The following DENND1A variants were observed in gnomAD, a reference collection of about 807,000 sequenced individuals.
DENND1A encodes the protein DENN domain containing 1A, also known as DENN domain-containing protein 1A.
A neutral mutation model predicts 113.7 loss-of-function variants in DENND1A; 51 were observed. The ratio of observed to expected loss-of-function variants is 0.45; its 90% CI spans 0.36 to 0.57. The LOEUF (loss-of-function observed/expected upper bound fraction) is 0.57. DENND1A is among the 20% of genes least tolerant of loss of function. The probability of loss-of-function intolerance (pLI) is 0.00; values close to 1 mark genes in which losing one functional copy is unlikely to be tolerated. For missense variants in DENND1A, 1,258 were observed against 1,395.9 expected, an observed-to-expected ratio of 0.90 and a Z score of 1.57; for synonymous variants, 565 against 570.8, an observed-to-expected ratio of 0.99 and a Z score of 0.14.
chr9:123,731,558 A>C (rs980382215), intron 5 of DENND1A, among the ~76,000 whole-genome samples: 2 of 152,248 alleles, frequency 1.3e-5, no homozygotes, highest in African/African-American at 4.8e-5. Flanking sequence ...TTATACCTTA[A>C]AAATAATTAA....
At chr9:123,585,620 G>A (rs2059126470) in intron 11 of DENND1A, among the ~76,000 whole-genome samples, 2 of 152,198 alleles carry the variant, frequency 1.3e-5, no homozygotes, top group South Asian at 4.1e-4. Flanking sequence ...GTGCTAGCAG[G>A]AAGGTACAAA....
At chr9:123,738,489 GTT>G (rs1554726370) in intron 5 of DENND1A, among the ~76,000 whole-genome samples, 1 of 146,956 alleles carries the variant, frequency 6.8e-6, no homozygotes, top group East Asian at 2.0e-4. Flanking sequence ...GTGTAGTGAT[GTT>G]TTTGTTTGTT....
intron 5 of DENND1A, among the ~76,000 whole-genome samples, chr9:123,681,934 T>C (rs1011878835): frequency 1.4e-5 from 2 of 140,006 alleles, no homozygotes; most frequent in Admixed American, 7.2e-5. Context: ...AAAAAAAAAA[T>C]AGCAGTGCTC....
intron 4 of DENND1A, among the ~76,000 whole-genome samples, chr9:123,767,953 T>C (rs1345576937): frequency 1.3e-5 from 2 of 152,216 alleles, no homozygotes; most frequent in African/African-American, 4.8e-5. Context: ...TTTGCCATAA[T>C]TTGTCATACA....
intron 5 of DENND1A, among the ~76,000 whole-genome samples, chr9:123,683,721 T>C (rs538530429): frequency 4.6e-5 from 7 of 152,216 alleles, no homozygotes; most frequent in Admixed American, 1.3e-4. Context: ...GTCTTCTCCA[T>C]TGGTGTCAAC....
chr9:123,884,417 A>G (rs905526498), intron 1 of DENND1A, among the ~76,000 whole-genome samples: 11 of 152,162 alleles, frequency 7.2e-5, no homozygotes, highest in African/African-American at 2.7e-4. Context: ...TTAAGATATT[A>G]CCATGGAAAT....
chr9:123,700,431 C>T (rs2065818164), intron 5 of DENND1A, among the ~76,000 whole-genome samples: 1 of 152,110 alleles, frequency 6.6e-6, no homozygotes, highest in African/African-American at 2.4e-5. Context: ...TGTTAAGTAA[C>T]TGGTTGAGGC....
intron 6 of DENND1A, among the ~76,000 whole-genome samples, chr9:123,675,172 A>T (rs1001892419): frequency 6.6e-6 from 1 of 152,158 alleles, no homozygotes; most frequent in Non-Finnish European, 1.5e-5. Flanking sequence ...TGACCTCTGG[A>T]ATACATTTGC....
At chr9:123,851,068 T>A (rs1456498347) in intron 2 of DENND1A, among the ~76,000 whole-genome samples, 1 of 152,150 alleles carries the variant, frequency 6.6e-6, no homozygotes, top group African/African-American at 2.4e-5. Context: ...AACACAAGCA[T>A]GGAAGTGTAT....
At chr9:123,409,291 T>G (rs543492426) in intron 20 of DENND1A, among the ~76,000 whole-genome samples, 49 of 152,042 alleles carry the variant, frequency 3.2e-4, no homozygotes, top group African/African-American at 1.2e-3. Context: ...TTGACTGAAT[T>G]TTTTTTCTTC....
chr9:123,469,002 G>C (rs2049179091), intron 13 of DENND1A, among the ~76,000 whole-genome samples: 1 of 152,156 alleles, frequency 6.6e-6, no homozygotes, highest in African/African-American at 2.4e-5. Flanking sequence ...AATGACCCCT[G>C]AGCCCACACA....
intron 13 of DENND1A, among the ~76,000 whole-genome samples, chr9:123,526,804 G>A (rs1275710907): frequency 6.6e-6 from 1 of 152,256 alleles, no homozygotes; most frequent in East Asian, 1.9e-4. Flanking sequence ...TACATTAGCT[G>A]TTCTCTGGTC....
At chr9:123,525,211 G>T (rs2054722424) in intron 13 of DENND1A, among the ~76,000 whole-genome samples, 1 of 152,190 alleles carries the variant, frequency 6.6e-6, no homozygotes, top group Non-Finnish European at 1.5e-5. Flanking sequence ...TATTTCTATG[G>T]AAAGGCTGCA....
In DENND1A at chr9:123,781,743, T is replaced by G. The variant is rs544313987; in HGVS notation, c.132+10844A>C. Among the ~76,000 whole-genome samples the G allele has an allele frequency of 5.9e-5, 9 of 152,268 alleles. No homozygotes were observed. The South Asian group carries it at 1.7e-3, about 28-fold the overall frequency. The stretch of plus-strand genomic sequence containing the variant: ...CAAATCTCATATAACATGGGGATAT[T>G]TGCCTCCTAACTTTTCTTTGAGTTA... On this transcript the variant is annotated intron_variant, in intron 3 of 23. Transcript: ENST00000394215.
intron 10 of DENND1A, among the ~76,000 whole-genome samples, chr9:123,611,398 T>A (rs2060413221): frequency 6.6e-6 from 1 of 152,188 alleles, no homozygotes; most frequent in Admixed American, 6.5e-5. Context: ...ATTAAGTAGC[T>A]TCAGGAACAC....
chr9:123,662,255 T>C (rs2063278666), intron 8 of DENND1A, among the ~76,000 whole-genome samples: 1 of 152,220 alleles, frequency 6.6e-6, no homozygotes, highest in Non-Finnish European at 1.5e-5. Context: ...TAGAGTTCTA[T>C]ACCCAGTCAA....
At chr9:123,775,910 A>C (rs1187634684) in intron 3 of DENND1A, among the ~76,000 whole-genome samples, 1 of 152,168 alleles carries the variant, frequency 6.6e-6, no homozygotes, top group African/African-American at 2.4e-5. Context: ...ACACAAGCCT[A>C]GCAGATGTGA....
At chr9:123,626,338 G>A (rs969445231) in intron 10 of DENND1A, among the ~76,000 whole-genome samples, 2 of 151,970 alleles carry the variant, frequency 1.3e-5, no homozygotes, top group Admixed American at 6.6e-5. Context: ...CTATTCCTGT[G>A]AGCGTACTGT....
chr9:123,823,217 T>C (rs1320996481), intron 2 of DENND1A, among the ~76,000 whole-genome samples: 1 of 152,164 alleles, frequency 6.6e-6, no homozygotes, highest in African/African-American at 2.4e-5. Flanking sequence ...GCATGCTTTA[T>C]AAAAATACTT....
Sources: allele counts gnomAD v4.1 joint callset (sites outside exome capture counted in the v4.1 genomes callset), GRCh38; gene constraint gnomAD v4.1.1; transcripts MANE v1.5; gene names NCBI Gene and HGNC (gene_info 2026-07-23, HGNC 2026-07-21).